Variants in SHC3 observed in about 807,000 individuals in gnomAD.
SHC3 encodes SHC adaptor protein 3.
SHC3 carries 15 observed loss-of-function variants against 60.4 expected under a neutral mutation model. That is an observed-to-expected ratio of 0.25 (90% CI 0.17 to 0.38). The LOEUF is 0.38. Among genes scored for constraint, SHC3 ranks in the 10% least tolerant of loss-of-function variants. The pLI, the probability that SHC3 is intolerant of heterozygous loss-of-function variation, is 1.00. For synonymous variants in SHC3, 294 were observed against 325.9 expected, an observed-to-expected ratio of 0.90 and a Z score of 1.05; for missense variants, 677 against 786.1, an observed-to-expected ratio of 0.86 and a Z score of 1.66.
At chr9:89,076,294 C>A (rs1240345510) in intron 3 of SHC3, among the ~76,000 whole-genome samples, 1 of 152,208 alleles carries the variant, frequency 6.6e-6, no homozygotes, top group Non-Finnish European at 1.5e-5. Context: ...TCAGAGTTCT[C>A]TTCCGAAACC....
Position 89,006,420 on chromosome 9 carries a change from C to T in SHC3, c.*7027G>A, listed in dbSNP as rs759085570. 4.6e-5 allele frequency: 7 copies of T among 152,218 alleles called. No individual in the cohort carries two copies. Among genetic ancestry groups the T allele is most frequent in the Admixed American group, 2.0e-4 (3 of 15,284 alleles). The allele number at this position is 152,218 out of a possible 1,614,324, so 9.4% of individuals were successfully genotyped here. A position where few individuals can be genotyped will look rare whatever the true frequency, so the allele number is the denominator to read the frequency against. ...AACAAAGATTAGAGAACTTGAAATTCGTTTTGCATTTCCACTCCTCAGGGA... is the reference window on the plus strand; with the variant it reads ...AACAAAGATTAGAGAACTTGAAATTTGTTTTGCATTTCCACTCCTCAGGGA... On this transcript the variant is annotated 3_prime_UTR_variant, in exon 12 of 12. Transcript: ENST00000375835.
At chr9:89,083,731 T>A (rs1825482791) in intron 2 of SHC3, among the ~76,000 whole-genome samples, 1 of 152,184 alleles carries the variant, frequency 6.6e-6, no homozygotes, top group Non-Finnish European at 1.5e-5. Context: ...GCCCCACAGA[T>A]GACTCACTCT....
intron 2 of SHC3, among the ~76,000 whole-genome samples, chr9:89,079,125 T>C (rs1825407501): frequency 6.6e-6 from 1 of 152,202 alleles, no homozygotes. Flanking sequence ...CAATGAATCA[T>C]CATGACATGG....
chr9:89,055,644 T>C (rs1167982489), intron 6 of SHC3, among the ~76,000 whole-genome samples: 2 of 152,178 alleles, frequency 1.3e-5, no homozygotes, highest in Non-Finnish European at 2.9e-5. Context: ...AAATGCACCT[T>C]CTGTTCTGCT....
intron 6 of SHC3, among the ~76,000 whole-genome samples, chr9:89,056,310 G>A (rs142551520): frequency 0.013 from 1,989 of 152,066 alleles, 42 homozygotes; most frequent in African/African-American, 0.046. Context: ...GCAATGGCGC[G>A]ATCTTGGCTC....
At chr9:89,090,088 A>G (rs1446726337) in intron 2 of SHC3, among the ~76,000 whole-genome samples, 3 of 152,208 alleles carry the variant, frequency 2.0e-5, no homozygotes, top group Non-Finnish European at 4.4e-5. Context: ...ACAGCATCTC[A>G]TTTGATTTCT....
Position 89,042,078 on chromosome 9 carries a change from C to T in SHC3, c.1308G>A (p.Pro436=), listed in dbSNP as rs34014626. 3.5e-4 allele frequency: 565 copies of T among 1,605,434 alleles called. 2 individuals are homozygous for T. In the African/African-American group the frequency reaches 6.3e-3, roughly 18 times the overall value. The change falls in exon 10 of 12, where the codon CCG becomes CCA. Residue 436 remains proline, a synonymous_variant. Transcript: ENST00000375835. ...NTQQIPPQAW[P]AAVSSAESSP... is the part of the protein sequence containing the mutation. ...TGCTCTCAGCACTGCTGACCGCAGC[C>T]GGCCAGGCCTGTGGTGGGATCTGCT...
chr9:89,091,341 T>C (rs1825618511), intron 2 of SHC3, among the ~76,000 whole-genome samples: 1 of 152,202 alleles, frequency 6.6e-6, no homozygotes, highest in African/African-American at 2.4e-5. Context: ...AAAACAAATG[T>C]TACCAGTGGA....
chr9:89,050,798 A>C (rs566727498), intron 7 of SHC3, among the ~76,000 whole-genome samples: 17 of 152,248 alleles, frequency 1.1e-4, no homozygotes, highest in African/African-American at 4.1e-4. Flanking sequence ...AAAATAAAAA[A>C]TTTGTTTCCT....
intron 1 of SHC3, among the ~76,000 whole-genome samples, chr9:89,147,899 GGT>G (rs767287343): frequency 8.5e-5 from 13 of 152,084 alleles, no homozygotes; most frequent in South Asian, 2.1e-4. Flanking sequence ...CCAGAACCCA[GGT>G]GTATATTTTG....
rs553691497 is a variant in SHC3, at chr9:89,045,910, G to A, written c.1114-77C>T. 6.2e-5 allele frequency: 89 copies of A among 1,441,630 alleles called. 1 individual carries two copies. In the Middle Eastern group the frequency reaches 2.5e-3, roughly 40 times the overall value. 89.3% of individuals were successfully genotyped at this position (1,441,630 alleles called of 1,614,324 possible). ...CACCACTTTTGAAAGCCACAAGACA[G>A]TCGGCGAGTTGATCCTTAAGGTGGT... is the stretch of plus-strand genomic sequence containing the variant. On this transcript the variant is annotated intron_variant, in intron 8 of 11. Transcript: ENST00000375835.
At chr9:89,103,326 C>T (rs1392483647) in intron 2 of SHC3, among the ~76,000 whole-genome samples, 3 of 152,184 alleles carry the variant, frequency 2.0e-5, no homozygotes, top group Non-Finnish European at 4.4e-5. Context: ...ATGAAACCAA[C>T]TCCAAGCTTT....
intron 2 of SHC3, among the ~76,000 whole-genome samples, chr9:89,090,110 A>AGATGTG (rs1298279706): frequency 6.6e-6 from 1 of 152,184 alleles, no homozygotes; most frequent in African/African-American, 2.4e-5. Context: ...TGACAGTAGG[A>AGATGTG]GATGTGGATG....
intron 2 of SHC3, among the ~76,000 whole-genome samples, chr9:89,093,708 TG>T (rs911388358): frequency 7.1e-6 from 1 of 141,476 alleles, no homozygotes; most frequent in African/African-American, 2.7e-5. Context: ...GTGTTACTGA[TG>T]GGGTGGGGAA....
intron 6 of SHC3, among the ~76,000 whole-genome samples, chr9:89,054,836 A>ATAGT (rs1824922453): frequency 6.6e-6 from 1 of 152,206 alleles, no homozygotes; most frequent in Admixed American, 6.5e-5. Context: ...ACAGCCTGCA[A>ATAGT]TAGTTCATTT....
At chr9:89,069,536 C>G (rs1825235949) in intron 5 of SHC3, among the ~76,000 whole-genome samples, 1 of 152,076 alleles carries the variant, frequency 6.6e-6, no homozygotes, top group African/African-American at 2.4e-5. Flanking sequence ...TGGCAGATCT[C>G]AGGGCTAAAC....
chr9:89,089,259 T>C (rs112563019), intron 2 of SHC3, among the ~76,000 whole-genome samples: 2,093 of 152,230 alleles, frequency 0.014, 49 homozygotes, highest in African/African-American at 0.045. Flanking sequence ...GCCCCACTGA[T>C]AGAATTGGAG....
At chr9:89,065,420 G>A in intron 6 of SHC3, 109 bp downstream of exon 6, 1 of 1,125,078 alleles carries the variant, frequency 8.9e-7, no homozygotes, top group South Asian at 1.3e-5. Context: ...ATACAAGATG[G>A]CACTACTCAT....
intron 11 of SHC3, chr9:89,037,437 C>A (rs766632138): frequency 1.2e-5 from 8 of 682,676 alleles, no homozygotes; most frequent in Middle Eastern, 4.7e-4. Flanking sequence ...TCTTTCTTGA[C>A]GGGAAGATGA....
Sources: gnomAD v4.1 joint callset for allele counts (sites outside exome capture counted in the v4.1 genomes callset) on GRCh38, gnomAD v4.1.1 for gene constraint, MANE v1.5 for transcripts, NCBI Gene and HGNC (gene_info 2026-07-23, HGNC 2026-07-21) for gene names.